Variants in NCS1 observed in about 807,000 individuals in gnomAD.
NCS1 encodes the protein frequenin homolog.
NCS1 carries 6 observed loss-of-function variants against 28.4 expected under a neutral mutation model. The observed-to-expected ratio is 0.21, with a 90% CI of 0.12 to 0.42. NCS1 has a LOEUF of 0.42. NCS1 is among the 10% of genes least tolerant of loss of function. The pLI, the probability that NCS1 is intolerant of heterozygous loss-of-function variation, is 1.00. For synonymous variants in NCS1, 86 were observed against 99.3 expected, an observed-to-expected ratio of 0.87 and a Z score of 0.79; for missense variants, 131 against 241.4, an observed-to-expected ratio of 0.54 and a Z score of 3.03.
chr9:130,173,307 G>A (rs1331333250), intron 1 of NCS1, among the ~76,000 whole-genome samples: 1 of 152,044 alleles, frequency 6.6e-6, no homozygotes, highest in Non-Finnish European at 1.5e-5. Flanking sequence ...ATTCTCCCTG[G>A]CCCCATCTCT....
chr9:130,185,514 G>A (rs1554905550), intron 1 of NCS1, among the ~76,000 whole-genome samples: 2 of 152,162 alleles, frequency 1.3e-5, no homozygotes, highest in Admixed American at 6.5e-5. Flanking sequence ...GCCAGGCCTC[G>A]TGAGGACCCC....
At chr9:130,179,531 C>G (rs551949815) in intron 1 of NCS1, among the ~76,000 whole-genome samples, 5 of 152,190 alleles carry the variant, frequency 3.3e-5, no homozygotes, top group Admixed American at 6.5e-5. Flanking sequence ...GAACCCAGAA[C>G]GGGGTTATGG....
At chr9:130,223,638 A>G (rs1294099077) in intron 6 of NCS1, among the ~76,000 whole-genome samples, 1 of 152,174 alleles carries the variant, frequency 6.6e-6, no homozygotes, top group Non-Finnish European at 1.5e-5. Flanking sequence ...TAATATCTGC[A>G]GCAACTAGGG....
Position 130,177,411 on chromosome 9 carries a change from GGGGACATGGA to G in NCS1, c.64+4688_64+4697del. The stretch of plus-strand genomic sequence containing the variant: ...GCTGGGGGTTGTGTGATGGCTGCGT[GGGGACATGGA>G]GGGCCCACAGCCAGGCACAGGGTGA... On this transcript the variant is annotated intron_variant, in intron 1 of 7. Coordinates refer to ENST00000372398, the MANE Select transcript of NCS1 (RefSeq NM_014286.4). The surrounding 1 kb of genome is among the most constrained non-coding windows in gnomAD (Gnocchi z 4.4). 6.6e-6 allele frequency among the ~76,000 whole-genome samples: 1 copy of G among 152,206 alleles called. No homozygotes were observed. The highest frequency in any genetic ancestry group is 1.9e-4 in the East Asian group (1 of 5,194).
rs138726904 is a variant in NCS1 at position 130,175,681 on chromosome 9, CTG to C, written c.64+2963_64+2964del. 3.3e-4 allele frequency among the ~76,000 whole-genome samples: 50 copies of C among 152,230 alleles called. No homozygotes were observed. The highest frequency in any genetic ancestry group is 5.9e-4 in the Non-Finnish European group (40 of 68,008). On this transcript the variant is annotated intron_variant, in intron 1 of 7. Coordinates refer to ENST00000372398, the MANE Select transcript of NCS1 (RefSeq NM_014286.4). The surrounding 1 kb of genome is among the most constrained non-coding windows in gnomAD (Gnocchi z 4.9). ...CGTCTCTGGCTCTGTCTGTGGTGGT[CTG>C]TGTGTGTGAGGAAGCAGGAGTGTCT...
chr9:130,188,493 G>GCT (rs1832770404), intron 1 of NCS1, among the ~76,000 whole-genome samples: 1 of 150,108 alleles, frequency 6.7e-6, no homozygotes, highest in East Asian at 2.0e-4. Flanking sequence ...CTCGATCTCG[G>GCT]CGGAGCCTCC....
chr9:130,216,868 G>A (rs1055136320), intron 2 of NCS1, among the ~76,000 whole-genome samples: 13 of 142,272 alleles, frequency 9.1e-5, no homozygotes, highest in African/African-American at 2.3e-4. Context: ...CTGGCTTCCC[G>A]ATGTGGAAGG....
At chr9:130,196,681 G>A (rs71501112) in intron 1 of NCS1, among the ~76,000 whole-genome samples, 10,590 of 152,234 alleles carry the variant, frequency 0.07, 414 homozygotes, top group Middle Eastern at 0.11. Flanking sequence ...GGAGGTTGCA[G>A]TGAGCCCAGA....
rs1420925602 is a variant in NCS1 at position 130,219,718 on chromosome 9, C to G, written c.229-7C>G. On this transcript the variant is annotated splice_region_variant and splice_polypyrimidine_tract_variant and intron_variant, in intron 3 of 7. Coordinates refer to ENST00000372398, the MANE Select transcript of NCS1 (RefSeq NM_014286.4). This position sits in a 1 kb window ranked among gnomAD's most constrained non-coding sequence, Gnocchi z 5.7. Reference sequence around the variant, plus strand: ...TGACTGAGGCAATCCCCTCTCTCTCCTGTCAGGACGGGCGAATTGAGTTCT... The same window carrying G: ...TGACTGAGGCAATCCCCTCTCTCTCGTGTCAGGACGGGCGAATTGAGTTCT... 2 of 1,614,086 alleles carry G rather than the reference C, an allele frequency of 1.2e-6. No individual in the cohort carries two copies. The highest frequency in any genetic ancestry group is 1.3e-5 in the African/African-American group (1 of 74,950).
At position 130,233,510 on chromosome 9, in the gene NCS1, C is replaced by T. The variant is rs553155480; in HGVS notation, c.*538C>T. The T allele has an allele frequency of 1.3e-3, 198 of 152,660 alleles. 2 individuals carry two copies. The highest frequency in any genetic ancestry group is 4.6e-3 in the African/African-American group (191 of 41,548). 9.5% of individuals were successfully genotyped at this position (152,660 alleles called of 1,614,324 possible). A position where few individuals can be genotyped will look rare whatever the true frequency, so the allele number is the denominator to read the frequency against. ...GCCTGGTCAACGTTATTTGTCGTCC[C>T]ATCTTTTGGCAGCAAAACCACCTGC... On this transcript the variant is annotated 3_prime_UTR_variant, in exon 8 of 8. Transcript: ENST00000372398. The surrounding 1 kb of genome is among the most constrained non-coding windows in gnomAD (Gnocchi z 4.8).
intron 1 of NCS1, among the ~76,000 whole-genome samples, chr9:130,178,229 C>T (rs1554904787): frequency 1.3e-5 from 2 of 152,174 alleles, no homozygotes; most frequent in Non-Finnish European, 2.9e-5. Flanking sequence ...TCTTCCGCAT[C>T]CAGGGCAGGT....
At chr9:130,183,604 C>A (rs1225636245) in intron 1 of NCS1, among the ~76,000 whole-genome samples, 5 of 152,164 alleles carry the variant, frequency 3.3e-5, no homozygotes, top group Admixed American at 2.0e-4. Context: ...TCCCCCACAG[C>A]CCTAGCCTTT....
rs1180434795 is a variant in NCS1, at chr9:130,175,415, C to G, written c.64+2688C>G. Among the ~76,000 whole-genome samples, 4 of 152,158 alleles carry G rather than the reference C, an allele frequency of 2.6e-5. No homozygotes were observed. The highest frequency in any genetic ancestry group is 5.9e-5 in the Non-Finnish European group (4 of 68,028). On this transcript the variant is annotated intron_variant, in intron 1 of 7. Coordinates refer to ENST00000372398, the MANE Select transcript of NCS1 (RefSeq NM_014286.4). This position sits in a 1 kb window ranked among gnomAD's most constrained non-coding sequence, Gnocchi z 4.9. ...TGGTTGATTAATAAACATGAAGGTA[C>G]CTGGGCTGCCCTCCCGGATTTCCGA...
At chr9:130,222,853 T>A in intron 5 of NCS1, 115 bp downstream of exon 5, 1 of 1,150,470 alleles carries the variant, frequency 8.7e-7, no homozygotes, top group Non-Finnish European at 1.3e-6. Flanking sequence ...GAAGCAGGGG[T>A]CACTGGCTGA....
chr9:130,173,198 G>T (rs1554904272), intron 1 of NCS1, among the ~76,000 whole-genome samples: 1 of 127,308 alleles, frequency 7.9e-6, no homozygotes, highest in East Asian at 2.3e-4. Context: ...CCCCGTTCGT[G>T]TGGGGGGGGG....
chr9:130,176,194 C>CTTTCTTTCTTTCTTT (rs1554904576), intron 1 of NCS1, among the ~76,000 whole-genome samples: 2 of 50,134 alleles, frequency 4.0e-5, no homozygotes, highest in African/African-American at 2.3e-4. Flanking sequence ...TTCTTTCTTT[C>CTTTCTTTCTTTCTTT]TTTTTTTTTT....
chr9:130,214,792 G>T (rs1426764316), intron 2 of NCS1, among the ~76,000 whole-genome samples: 1 of 152,142 alleles, frequency 6.6e-6, no homozygotes, highest in Non-Finnish European at 1.5e-5. Context: ...ATCACCTCAT[G>T]GGGGGCTTCT....
chr9:130,186,911 T>C lies in NCS1; in HGVS notation c.65-14047T>C, dbSNP rs933669491. ...AAGCACGAGGGGCACTGACGAGCGA[T>C]TGAGCAGCTCAGAGGTGAGCTTATG... is the stretch of plus-strand genomic sequence containing the variant. On this transcript the variant is annotated intron_variant, in intron 1 of 7. Coordinates refer to ENST00000372398, the MANE Select transcript of NCS1 (RefSeq NM_014286.4). This position sits in a 1 kb window ranked among gnomAD's most constrained non-coding sequence, Gnocchi z 4.1. Among the ~76,000 whole-genome samples the C allele has an allele frequency of 6.6e-6, 1 of 152,290 alleles. No homozygotes were observed. Among genetic ancestry groups the C allele is most frequent in the Non-Finnish European group, 1.5e-5 (1 of 68,028 alleles).
intron 6 of NCS1, among the ~76,000 whole-genome samples, chr9:130,223,621 C>T (rs1290607407): frequency 2.0e-5 from 3 of 152,090 alleles, no homozygotes; most frequent in East Asian, 1.9e-4. Flanking sequence ...CCCGAAATTG[C>T]GAGCTGTAAT....
Sources: gnomAD v4.1 joint callset for allele counts (sites outside exome capture counted in the v4.1 genomes callset) on GRCh38, gnomAD v4.1.1 for gene constraint, Gnocchi (gnomAD v3.1) non-coding constraint, MANE v1.5 for transcripts, NCBI Gene and HGNC (gene_info 2026-07-23, HGNC 2026-07-21) for gene names.